The following GRIP2 variants were observed in gnomAD, a reference collection of about 807,000 sequenced individuals.
GRIP2 encodes glutamate receptor-interacting protein 2.
A neutral mutation model predicts 108.3 loss-of-function variants in GRIP2; 58 were observed. The ratio of observed to expected loss-of-function variants is 0.54; its 90% CI spans 0.43 to 0.67. The LOEUF is 0.67. Among genes scored for constraint, GRIP2 ranks in the 30% least tolerant of loss-of-function variants. The pLI is 0.00. For synonymous variants in GRIP2, 586 were observed against 598.2 expected, an observed-to-expected ratio of 0.98 and a Z score of 0.30; for missense variants, 1,278 against 1,430.6, an observed-to-expected ratio of 0.89 and a Z score of 1.72.
the GRIP2 span, chr3:14,574,642 T>C: frequency 1.5e-6 from 1 of 666,624 alleles, no homozygotes; most frequent in Non-Finnish European, 2.8e-6. Flanking sequence ...GATGTGTCCA[T>C]CTCATCAGGG....
Position 14,493,559 on chromosome 3 carries a change from G to T in GRIP2, c.*106C>A. The T allele has an allele frequency of 7.6e-7, 1 of 1,309,366 alleles. No homozygotes were observed. Among genetic ancestry groups the T allele is most frequent in the Non-Finnish European group, 1.0e-6 (1 of 970,956 alleles). The allele number at this position is 1,309,366 out of a possible 1,614,324, so 81.1% of individuals were successfully genotyped here. A position where few individuals can be genotyped will look rare whatever the true frequency, so the allele number is the denominator to read the frequency against. On this transcript the variant is annotated 3_prime_UTR_variant, in exon 24 of 24. Transcript: ENST00000621039. ...ATCATCCCAGGCTCAGAGTCTGCCA[G>T]ACCAACAGATGAATGAGTGGGTGGC...
rs1393592109 is a variant in GRIP2 at position 14,492,349 on chromosome 3, A to T, written c.*1316T>A. 6.6e-6 allele frequency: 1 copy of T among 152,276 alleles called. No homozygotes were observed. Among genetic ancestry groups the T allele is most frequent in the African/African-American group, 2.4e-5 (1 of 41,444 alleles). 9.4% of individuals were successfully genotyped at this position (152,276 alleles called of 1,614,324 possible). On this transcript the variant is annotated 3_prime_UTR_variant, in exon 24 of 24. Transcript: ENST00000621039. ...CTGAGACCCCTGTGAGAACTGGGCCAGGCAAAGCACATCCCCAGCCCTGGC... is the reference window on the plus strand; with the variant it reads ...CTGAGACCCCTGTGAGAACTGGGCCTGGCAAAGCACATCCCCAGCCCTGGC...
chr3:14,542,614 C>A (rs1389194319), upstream of GRIP2, among the ~76,000 whole-genome samples: 1 of 152,186 alleles, frequency 6.6e-6, no homozygotes, highest in Non-Finnish European at 1.5e-5. Context: ...GACCCCCAAG[C>A]TCCTGGAAAG....
Position 14,506,685 on chromosome 3 carries a change from T to C in GRIP2, c.2398+116A>G, listed in dbSNP as rs1693936279. On this transcript the variant is annotated intron_variant, in intron 19 of 23. Coordinates refer to ENST00000621039, the MANE Select transcript of GRIP2 (RefSeq NM_001080423.4). ...TCCTTCAGGAAGGGCCCCTAAAGGA[T>C]GCCAGGAGAGGAGCGCAGGAGGGAG... 9 of 999,526 alleles carry C rather than the reference T, an allele frequency of 9.0e-6. No homozygotes were observed. The South Asian group carries it at 1.8e-4, about 21-fold the overall frequency. 61.9% of individuals were successfully genotyped at this position (999,526 alleles called of 1,614,324 possible).
At chr3:14,580,088 T>G in the GRIP2 span, among the ~76,000 whole-genome samples, 20,383 of 152,170 alleles carry the variant, frequency 0.13, 1,464 homozygotes, top group South Asian at 0.21. Context: ...AACTACTGTG[T>G]CCAACACAGG....
At chr3:14,573,149 G>A in the GRIP2 span, 2 of 1,431,896 alleles carry the variant, frequency 1.4e-6, no homozygotes, top group Non-Finnish European at 9.8e-7. Flanking sequence ...TGCAGAGGAA[G>A]AGCACCACAG....
rs775139332 is a variant in GRIP2 at position 14,522,206 on chromosome 3, C to T, written c.567-419G>A. On this transcript the variant is annotated intron_variant, in intron 6 of 23. Transcript: ENST00000621039. This position sits in a 1 kb window ranked among gnomAD's most constrained non-coding sequence, Gnocchi z 4.3. ...CACGGCATTGGGGGCTGCTCTGAGC[C>T]GTCCTGGTCCCTTCCCATTGCTCCA... The T allele has an allele frequency of 2.2e-4, 36 of 165,548 alleles. No individual in the cohort carries two copies. The highest frequency in any genetic ancestry group is 3.5e-4 in the Non-Finnish European group (27 of 77,514). The allele number at this position is 165,548 out of a possible 1,614,324, so 10.3% of individuals were successfully genotyped here.
chr3:14,514,125 G>A (rs1694177942), intron 12 of GRIP2, among the ~76,000 whole-genome samples, 167 bp downstream of exon 12: 1 of 152,250 alleles, frequency 6.6e-6, no homozygotes, highest in Non-Finnish European at 1.5e-5. Context: ...TCCTGGGCAA[G>A]TGAGTCAGCT....
upstream of GRIP2, among the ~76,000 whole-genome samples, chr3:14,543,488 G>A (rs1465905295): frequency 2.0e-5 from 3 of 152,256 alleles, no homozygotes; most frequent in African/African-American, 7.2e-5. Context: ...CGTCTGGGAG[G>A]CGGCCTAGGA....
chr3:14,518,671 C>T (rs1694322018), intron 9 of GRIP2, among the ~76,000 whole-genome samples: 1 of 152,236 alleles, frequency 6.6e-6, no homozygotes, highest in Non-Finnish European at 1.5e-5. Flanking sequence ...GAGGACTCAA[C>T]TGTCTCAGCC....
At chr3:14,531,780 G>A (rs1429349337) in intron 1 of GRIP2, among the ~76,000 whole-genome samples, 1 of 152,202 alleles carries the variant, frequency 6.6e-6, no homozygotes, top group East Asian at 1.9e-4. Flanking sequence ...CTGTGCTTGA[G>A]GCCCCATCGA....
intron 1 of GRIP2, among the ~76,000 whole-genome samples, chr3:14,532,429 G>A (rs370501501): frequency 9.8e-4 from 149 of 152,200 alleles, no homozygotes; most frequent in African/African-American, 3.0e-3. Context: ...TCGCACTATG[G>A]GTATTTTTTG....
At position 14,508,209 on chromosome 3, in the gene GRIP2, C is replaced by T. The variant is rs148950672; in HGVS notation, c.2079-509G>A. Reference sequence around the variant, plus strand: ...GAGAATGGGCATAATCACCAGCGCCCAGCAGACCTCACAGTAGGGCGTGAA... The same window carrying T: ...GAGAATGGGCATAATCACCAGCGCCTAGCAGACCTCACAGTAGGGCGTGAA... On this transcript the variant is annotated intron_variant, in intron 17 of 23. Coordinates refer to ENST00000621039, the MANE Select transcript of GRIP2 (RefSeq NM_001080423.4). Among the ~76,000 whole-genome samples, 433 of 152,346 alleles carry T rather than the reference C, an allele frequency of 2.8e-3. 3 individuals are homozygous for T. Among genetic ancestry groups the T allele is most frequent in the African/African-American group, 9.8e-3 (409 of 41,580 alleles).
chr3:14,525,574 T>C lies in GRIP2; in HGVS notation c.122-2A>G. Reference sequence around the variant, plus strand: ...CCACAGTGATCCCTCGGAACTCCTCTGCCAACAGATGGGGATGGGGGCTTG... The same window carrying C: ...CCACAGTGATCCCTCGGAACTCCTCCGCCAACAGATGGGGATGGGGGCTTG... On this transcript the variant is annotated splice_acceptor_variant, in intron 2 of 23. Transcript: ENST00000621039. LOFTEE classifies it high-confidence loss of function. 1 of 1,613,742 alleles carries C rather than the reference T, an allele frequency of 6.2e-7. No homozygotes were observed. Among genetic ancestry groups the C allele is most frequent in the African/African-American group, 1.3e-5 (1 of 75,052 alleles).
upstream of GRIP2, among the ~76,000 whole-genome samples, chr3:14,544,164 C>T (rs558512972): frequency 1.0e-3 from 154 of 152,274 alleles, no homozygotes; most frequent in Non-Finnish European, 2.1e-3. Context: ...TCACTTTGCC[C>T]CTTGTGAGGA....
chr3:14,599,088 C>A, the GRIP2 span, among the ~76,000 whole-genome samples: 2 of 152,190 alleles, frequency 1.3e-5, no homozygotes, highest in African/African-American at 4.8e-5. Context: ...TTCACTTGTT[C>A]TTTGTCTCCC....
At chr3:14,497,490 C>T (rs935486547) in intron 21 of GRIP2, among the ~76,000 whole-genome samples, 7 of 152,100 alleles carry the variant, frequency 4.6e-5, no homozygotes, top group South Asian at 4.1e-4. Context: ...GGAAACAGCA[C>T]GTGCAAAGCC....
chr3:14,534,654 C>A (rs913464069), intron 1 of GRIP2, among the ~76,000 whole-genome samples: 1 of 151,988 alleles, frequency 6.6e-6, no homozygotes, highest in African/African-American at 2.4e-5. Flanking sequence ...CCAGTCCCGG[C>A]GAATGTGGGG....
chr3:14,555,471 A>T (rs1042351044), intron 1 of GRIP2, among the ~76,000 whole-genome samples: 4 of 152,186 alleles, frequency 2.6e-5, no homozygotes, highest in African/African-American at 9.7e-5. Context: ...AACAGAGAAG[A>T]GCAAGACAGA....
Sources: gnomAD v4.1 joint callset for allele counts (sites outside exome capture counted in the v4.1 genomes callset) on GRCh38, gnomAD v4.1.1 for gene constraint, Gnocchi (gnomAD v3.1) non-coding constraint, MANE v1.5 for transcripts, NCBI Gene and HGNC (gene_info 2026-07-23, HGNC 2026-07-21) for gene names.